DAB2IP: variants seen among roughly 807,000 people sequenced by gnomAD.
The protein encoded by DAB2IP is disabled homolog 2-interacting protein.
In DAB2IP, 28 loss-of-function variants were observed where a neutral mutation model predicts 107.2. The observed-to-expected ratio is 0.26, with a 90% CI of 0.19 to 0.36. The LOEUF is 0.36. DAB2IP is among the 10% of genes least tolerant of loss of function. The pLI, the probability that DAB2IP is intolerant of heterozygous loss-of-function variation, is 1.00. For missense variants in DAB2IP, 1,400 were observed against 1,644.7 expected, an observed-to-expected ratio of 0.85 and a Z score of 2.57; for synonymous variants, 755 against 706.4, an observed-to-expected ratio of 1.07 and a Z score of -1.09.
At position 121,699,013 on chromosome 9, in the gene DAB2IP, C is replaced by T. The variant is rs1200771640; in HGVS notation, c.229-312C>T. ...GTCCCGGTACTCCCCCTCGCCCCGG[C>T]GCCCGGGGGGCTCGGGCAGCCTCGG... On this transcript the variant is annotated intron_variant, in intron 2 of 15. Coordinates refer to ENST00000408936, the Ensembl canonical transcript of DAB2IP. This position sits in a 1 kb window ranked among gnomAD's most constrained non-coding sequence, Gnocchi z 6.2. Among the ~76,000 whole-genome samples, 2 of 151,160 alleles carry T rather than the reference C, an allele frequency of 1.3e-5. No individual in the cohort carries two copies. Among genetic ancestry groups the T allele is most frequent in the Non-Finnish European group, 3.0e-5 (2 of 67,682 alleles).
At chr9:121,750,587 C>G (rs530795472) in intron 3 of DAB2IP, among the ~76,000 whole-genome samples, 3 of 152,294 alleles carry the variant, frequency 2.0e-5, no homozygotes, top group East Asian at 1.9e-4. Context: ...CAGGGCAGCT[C>G]CCTCTGAGCT....
intron 1 of DAB2IP, among the ~76,000 whole-genome samples, chr9:121,672,743 C>T (rs554719139): frequency 1.4e-4 from 22 of 152,250 alleles, no homozygotes; most frequent in African/African-American, 4.1e-4. Flanking sequence ...AGGTCTGGGG[C>T]GCACTCTTAA....
At chr9:121,773,633 A>C in intron 12 of DAB2IP, 138 bp downstream of exon 12, 1 of 1,090,620 alleles carries the variant, frequency 9.2e-7, no homozygotes, top group East Asian at 3.1e-5. Flanking sequence ...AGCCTGCCAC[A>C]TGCGCCACCA....
intron 1 of DAB2IP, among the ~76,000 whole-genome samples, chr9:121,577,963 G>T (rs1372915873): frequency 6.6e-6 from 1 of 152,130 alleles, no homozygotes; most frequent in East Asian, 1.9e-4. Flanking sequence ...GGCGGGGGTA[G>T]AGGTGGAGAT....
At chr9:121,723,385 C>T (rs1388630722) in intron 3 of DAB2IP, among the ~76,000 whole-genome samples, 2 of 152,204 alleles carry the variant, frequency 1.3e-5, no homozygotes, top group East Asian at 1.9e-4. Context: ...AGCTGCAGTC[C>T]CTGCCTCCCT....
chr9:121,580,684 G>T (rs1018193041), intron 1 of DAB2IP, among the ~76,000 whole-genome samples: 1 of 152,024 alleles, frequency 6.6e-6, no homozygotes, highest in East Asian at 1.9e-4. Context: ...GAGTCCAGTG[G>T]CGCAATCTCA....
At chr9:121,586,806 TAA>T (rs902417135) in intron 1 of DAB2IP, among the ~76,000 whole-genome samples, 1 of 140,170 alleles carries the variant, frequency 7.1e-6, no homozygotes. Context: ...GGTGACAAAG[TAA>T]AAAAAAAAAA....
chr9:121,772,396 AAAG>A lies in DAB2IP; in HGVS notation c.2079-206_2079-204del, dbSNP rs1203657451. ...CCTGAAATGTGCAGTGCTGGCCCCT[AAAG>A]AAGAGGTTCTGTGCAGGAGCAGCCG... On this transcript the variant is annotated intron_variant, in intron 11 of 15. Transcript: ENST00000408936. This position sits in a 1 kb window ranked among gnomAD's most constrained non-coding sequence, Gnocchi z 4.7. 6.6e-6 allele frequency among the ~76,000 whole-genome samples: 1 copy of A among 152,112 alleles called. No homozygotes were observed. The highest frequency in any genetic ancestry group is 2.4e-5 in the African/African-American group (1 of 41,432).
chr9:121,592,485 T>C (rs1230544354), intron 1 of DAB2IP, among the ~76,000 whole-genome samples: 3 of 152,200 alleles, frequency 2.0e-5, no homozygotes, highest in African/African-American at 7.2e-5. Flanking sequence ...ACCAGGATAA[T>C]ATTACATTGT....
intron 3 of DAB2IP, among the ~76,000 whole-genome samples, chr9:121,744,298 G>T (rs1206782881): frequency 6.6e-6 from 1 of 152,236 alleles, no homozygotes; most frequent in Admixed American, 6.5e-5. Flanking sequence ...TGGGAAGACT[G>T]TGTCTGGGCC....
intron 1 of DAB2IP, among the ~76,000 whole-genome samples, chr9:121,604,939 G>T (rs557014357): frequency 6.6e-6 from 1 of 152,324 alleles, no homozygotes; most frequent in South Asian, 2.1e-4. Flanking sequence ...CTCTGGGCAG[G>T]GCTGGCTCTA....
chr9:121,714,854 G>T (rs1830510232), intron 3 of DAB2IP, among the ~76,000 whole-genome samples: 1 of 152,258 alleles, frequency 6.6e-6, no homozygotes. Context: ...AGTAAGCTGA[G>T]CTCTCAGGGA....
At chr9:121,659,480 T>C (rs1303269184) in intron 1 of DAB2IP, among the ~76,000 whole-genome samples, 1 of 152,098 alleles carries the variant, frequency 6.6e-6, no homozygotes, top group East Asian at 1.9e-4. Flanking sequence ...GAATTGTCAT[T>C]ATTAGCTGTT....
At chr9:121,627,379 CT>C (rs35147565) in intron 1 of DAB2IP, among the ~76,000 whole-genome samples, 10,064 of 142,816 alleles carry the variant, frequency 0.07, 1,000 homozygotes, top group African/African-American at 0.23. Flanking sequence ...AGTTTTGGTG[CT>C]TTTTTTTTTT....
chr9:121,740,881 G>A (rs575790761), intron 3 of DAB2IP, among the ~76,000 whole-genome samples: 2 of 152,178 alleles, frequency 1.3e-5, no homozygotes, highest in Non-Finnish European at 2.9e-5. Flanking sequence ...CTGAGACTCA[G>A]GAAAGTAAAA....
rs143554401 is a variant in DAB2IP at position 121,594,400 on chromosome 9, C to G, written c.40+27172C>G. ...TTACAGGTGTGTGCCACCATGCCCA[C>G]CTAATTTTTGTATTTTAGTAGAGAT... On this transcript the variant is annotated intron_variant, in intron 1 of 16. Coordinates refer to the DAB2IP transcript ENST00000259371. Among the ~76,000 whole-genome samples, 564 of 151,894 alleles carry G rather than the reference C, an allele frequency of 3.7e-3. 3 individuals carry two copies. The highest frequency in any genetic ancestry group is 0.013 in the African/African-American group (541 of 41,430).
At chr9:121,619,915 A>G (rs1034692586) in intron 1 of DAB2IP, among the ~76,000 whole-genome samples, 1 of 135,482 alleles carries the variant, frequency 7.4e-6, no homozygotes, top group Non-Finnish European at 1.6e-5. Context: ...CAAGGCCCTA[A>G]GAAGAGAACC....
At chr9:121,622,711 T>C (rs1026261615) in intron 1 of DAB2IP, among the ~76,000 whole-genome samples, 5 of 152,066 alleles carry the variant, frequency 3.3e-5, no homozygotes, top group Admixed American at 2.6e-4. Context: ...TTAACAGATG[T>C]CAATTGTTAA....
chr9:121,581,446 T>C (rs1272630286), intron 1 of DAB2IP, among the ~76,000 whole-genome samples: 1 of 152,198 alleles, frequency 6.6e-6, no homozygotes, highest in Non-Finnish European at 1.5e-5. Context: ...CTAGTCAGAC[T>C]CTTAGGGAAC....
Sources: allele counts gnomAD v4.1 joint callset (sites outside exome capture counted in the v4.1 genomes callset), GRCh38; gene constraint gnomAD v4.1.1; non-coding constraint Gnocchi (gnomAD v3.1); transcripts MANE v1.5; gene names NCBI Gene and HGNC (gene_info 2026-07-23, HGNC 2026-07-21).